HTR1F: variants seen among roughly 807,000 people sequenced by gnomAD.
The protein encoded by HTR1F is 5-hydroxytryptamine (serotonin) receptor 1F, G protein-coupled.
HTR1F carries 17 observed loss-of-function variants against 24.0 expected under a neutral mutation model. The observed-to-expected ratio is 0.71, with a 90% CI of 0.48 to 1.06. The LOEUF is 1.06. Among genes scored for constraint, HTR1F ranks in the 50% least tolerant of loss-of-function variants. HTR1F has a pLI of 0.00. For missense variants in HTR1F, 391 were observed against 427.8 expected (o/e 0.91, Z 0.76); for synonymous variants, 186 against 156.8 (o/e 1.19, Z -1.39).
chr3:87,811,023 C>A (rs1195559590), intron 1 of HTR1F, among the ~76,000 whole-genome samples: 1 of 152,124 alleles, frequency 6.6e-6, no homozygotes, highest in East Asian at 1.9e-4. Flanking sequence ...TGCCAATAGG[C>A]CATATAGTAA....
chr3:87,869,531 A>G (rs957632653), intron 2 of HTR1F, among the ~76,000 whole-genome samples: 5 of 152,062 alleles, frequency 3.3e-5, no homozygotes, highest in Admixed American at 2.6e-4. Context: ...GGAGGCTGAA[A>G]AGTCCTAAGA....
chr3:87,928,492 C>CTATA (rs1441428863), intron 2 of HTR1F, among the ~76,000 whole-genome samples: 1 of 152,070 alleles, frequency 6.6e-6, no homozygotes, highest in Non-Finnish European at 1.5e-5. Context: ...TATTTCATGA[C>CTATA]TATATATTAT....
intron 1 of HTR1F, among the ~76,000 whole-genome samples, chr3:87,819,402 CTT>C (rs1704311923): frequency 6.6e-6 from 1 of 150,520 alleles, no homozygotes. Flanking sequence ...TATCTGTAGA[CTT>C]ATTTTTAGAG....
rs143654627 is a variant in HTR1F, at chr3:87,992,530, A to T, written c.*680A>T. ...ATGTTTGATATAAACTTCTAGAATAATATTATCTTATCCTTATATTATCAG... is the reference window on the plus strand; with the variant it reads ...ATGTTTGATATAAACTTCTAGAATATTATTATCTTATCCTTATATTATCAG... On this transcript the variant is annotated 3_prime_UTR_variant, in exon 3 of 3. Transcript: ENST00000319595. 6.0e-6 allele frequency: 1 copy of T among 167,042 alleles called. No homozygotes were observed. The highest frequency in any genetic ancestry group is 1.5e-5 in the Non-Finnish European group (1 of 68,096). 10.3% of individuals were successfully genotyped at this position (167,042 alleles called of 1,614,324 possible).
intron 1 of HTR1F, among the ~76,000 whole-genome samples, chr3:87,796,878 A>G (rs1296948516): frequency 6.6e-6 from 1 of 152,224 alleles, no homozygotes; most frequent in African/African-American, 2.4e-5. Context: ...TTAAGTAAAA[A>G]TAATAATAGA....
At chr3:87,885,136 A>T (rs941971820) in intron 2 of HTR1F, among the ~76,000 whole-genome samples, 1 of 152,160 alleles carries the variant, frequency 6.6e-6, no homozygotes. Flanking sequence ...ATCACAACAA[A>T]CTATCTCTCA....
chr3:87,932,366 G>A (rs1291763205), intron 2 of HTR1F, among the ~76,000 whole-genome samples: 13 of 151,932 alleles, frequency 8.6e-5, no homozygotes, highest in South Asian at 2.1e-4. Flanking sequence ...GATATGCAGC[G>A]TTATTTCTGA....
chr3:87,898,090 A>C (rs1706242206), intron 2 of HTR1F, among the ~76,000 whole-genome samples: 1 of 152,168 alleles, frequency 6.6e-6, no homozygotes, highest in Non-Finnish European at 1.5e-5. Flanking sequence ...ATGTACAACT[A>C]GATGGATAGT....
intron 1 of HTR1F, among the ~76,000 whole-genome samples, chr3:87,797,279 G>A (rs1346859620): frequency 6.6e-6 from 1 of 152,104 alleles, no homozygotes; most frequent in Non-Finnish European, 1.5e-5. Flanking sequence ...GGGGGGTCTT[G>A]GGCCTATGCC....
intron 2 of HTR1F, among the ~76,000 whole-genome samples, chr3:87,919,917 A>G (rs1357543193): frequency 6.6e-6 from 1 of 151,904 alleles, no homozygotes; most frequent in Admixed American, 6.6e-5. Context: ...ATACTCATAC[A>G]TGCATGTTTA....
At chr3:87,946,338 C>T (rs535739614) in intron 2 of HTR1F, among the ~76,000 whole-genome samples, 1 of 152,086 alleles carries the variant, frequency 6.6e-6, no homozygotes, top group African/African-American at 2.4e-5. Context: ...AGCCTGAAAA[C>T]AGAGCTCCCA....
At chr3:87,953,826 A>T (rs1232755158) in intron 2 of HTR1F, among the ~76,000 whole-genome samples, 1 of 151,798 alleles carries the variant, frequency 6.6e-6, no homozygotes, top group Non-Finnish European at 1.5e-5. Flanking sequence ...AAATGTGGTA[A>T]ATATACATAA....
chr3:87,829,795 A>C (rs1009935361), intron 2 of HTR1F, among the ~76,000 whole-genome samples: 15 of 152,226 alleles, frequency 9.9e-5, no homozygotes, highest in Admixed American at 6.5e-5. Context: ...AAAAAACATA[A>C]TTTATTCTTG....
chr3:87,831,524 G>A (rs1260633664), intron 2 of HTR1F, among the ~76,000 whole-genome samples: 1 of 151,696 alleles, frequency 6.6e-6, no homozygotes, highest in Non-Finnish European at 1.5e-5. Flanking sequence ...CACCACGCCC[G>A]GCTAATTTTT....
chr3:87,865,961 T>G (rs1164104753), intron 2 of HTR1F, among the ~76,000 whole-genome samples: 2 of 152,130 alleles, frequency 1.3e-5, no homozygotes, highest in African/African-American at 4.8e-5. Flanking sequence ...TCACCAGCAA[T>G]GAATGAGGGT....
chr3:87,991,608 AG>A lies in HTR1F; in HGVS notation c.860del (p.Arg287LysfsTer11). 1 of 1,614,026 alleles carries A rather than the reference AG, an allele frequency of 6.2e-7. No individual in the cohort carries two copies. Among genetic ancestry groups the A allele is most frequent in the South Asian group, 1.1e-5 (1 of 91,064 alleles). On this transcript the variant is annotated frameshift_variant, in exon 3 of 3. Coordinates refer to ENST00000319595, the MANE Select transcript of HTR1F (RefSeq NM_001322209.2). LOFTEE classifies it high-confidence loss of function. ...SWRRQKISGTRERKAATTLGL... is the reference protein window; with the variant it reads ...SWRRQKISGTXERKAATTLGL... ...GAGAAGGCAAAAGATCTCAGGTACA[AG>A]AGAACGGAAAGCAGCCACTACCCTG...
intron 2 of HTR1F, among the ~76,000 whole-genome samples, chr3:87,823,440 C>A (rs1190359813): frequency 1.3e-5 from 2 of 152,086 alleles, no homozygotes; most frequent in Non-Finnish European, 2.9e-5. Context: ...GATGTTGGAA[C>A]ACTTTAGGAA....
chr3:87,920,114 G>T (rs950449653), intron 2 of HTR1F, among the ~76,000 whole-genome samples: 3 of 151,122 alleles, frequency 2.0e-5, no homozygotes, highest in Non-Finnish European at 2.9e-5. Context: ...CCTGAATGAG[G>T]TTGGAGACTA....
At chr3:87,906,618 C>A (rs940522469) in intron 2 of HTR1F, among the ~76,000 whole-genome samples, 1 of 151,542 alleles carries the variant, frequency 6.6e-6, no homozygotes, top group African/African-American at 2.4e-5. Context: ...ATGGTGATTT[C>A]TGAGATTTTG....
Sources: gnomAD v4.1 joint callset for allele counts (sites outside exome capture counted in the v4.1 genomes callset) on GRCh38, gnomAD v4.1.1 for gene constraint, MANE v1.5 for transcripts, NCBI Gene and HGNC (gene_info 2026-07-23, HGNC 2026-07-21) for gene names.